YAE1: variants seen among roughly 807,000 people sequenced by gnomAD.
YAE1 encodes YAE1 maturation factor of ABCE1.
A neutral mutation model predicts 23.0 loss-of-function variants in YAE1; 22 were observed. The observed-to-expected ratio is 0.96, with a 90% CI of 0.68 to 1.37. YAE1 has a LOEUF of 1.37. Among genes scored for constraint, YAE1 ranks in the 40% most tolerant of loss-of-function variants. The pLI, the probability that YAE1 is intolerant of heterozygous loss-of-function variation, is 0.00. For missense variants in YAE1, 260 were observed against 262.1 expected (o/e 0.99, Z 0.06); for synonymous variants, 101 against 97.0 (o/e 1.04, Z -0.24).
intron 2 of YAE1, among the ~76,000 whole-genome samples, chr7:39,594,510 A>T (rs1172089759): frequency 6.7e-6 from 1 of 148,656 alleles, no homozygotes; most frequent in African/African-American, 2.5e-5. Flanking sequence ...CAATGCCTTC[A>T]TTTTTTTTTT....
At position 39,609,946 on chromosome 7, in the gene YAE1, C is replaced by A; in HGVS notation, c.581C>A (p.Ser194Ter). ...CCTTCCAACTCCGAAACACATTTTTCAACATATAATAGAATCATTATCAGA... is the reference window on the plus strand; with the variant it reads ...CCTTCCAACTCCGAAACACATTTTTAAACATATAATAGAATCATTATCAGA... The change falls in exon 3 of 3, where the codon TCA (serine) becomes TAA (stop). Residue 194 changes from serine (S) to a stop codon, truncating the protein, a stop_gained. Transcript: ENST00000432096. LOFTEE classifies it high-confidence loss of function. 1 of 1,523,198 alleles carries A rather than the reference C, an allele frequency of 6.6e-7. No homozygotes were observed. Among genetic ancestry groups the A allele is most frequent in the Non-Finnish European group, 8.8e-7 (1 of 1,140,844 alleles). The allele number at this position is 1,523,198 out of a possible 1,614,324, so 94.4% of individuals were successfully genotyped here.
chr7:39,598,062 G>A (rs1011846250), intron 2 of YAE1, among the ~76,000 whole-genome samples: 1 of 151,796 alleles, frequency 6.6e-6, no homozygotes, highest in Non-Finnish European at 1.5e-5. Flanking sequence ...CTCCTTCCTT[G>A]GTGTCCTAAA....
chr7:39,588,614 CG>C (rs1310739958), intron 2 of YAE1, among the ~76,000 whole-genome samples: 8 of 152,024 alleles, frequency 5.3e-5, no homozygotes, highest in Middle Eastern at 3.4e-3. Context: ...ATGGAAGTTC[CG>C]TCTCAAAGGA....
chr7:39,601,112 A>T (rs949367223), intron 2 of YAE1, among the ~76,000 whole-genome samples: 3 of 152,202 alleles, frequency 2.0e-5, no homozygotes, highest in Non-Finnish European at 4.4e-5. Flanking sequence ...CATTATTCAA[A>T]CCAAACAAAA....
At chr7:39,581,351 G>T (rs185410906) in intron 2 of YAE1, among the ~76,000 whole-genome samples, 2 of 152,156 alleles carry the variant, frequency 1.3e-5, no homozygotes, top group Non-Finnish European at 2.9e-5. Flanking sequence ...CAAATTGCTT[G>T]TAATAATGAA....
At chr7:39,601,278 C>T (rs1791051912) in intron 2 of YAE1, among the ~76,000 whole-genome samples, 1 of 152,138 alleles carries the variant, frequency 6.6e-6, no homozygotes, top group Non-Finnish European at 1.5e-5. Context: ...AGTAAGCAGA[C>T]TGAGAACAAC....
In YAE1 at chr7:39,609,504, G is replaced by A. The variant is rs1029772340; in HGVS notation, c.252-113G>A. On this transcript the variant is annotated intron_variant, in intron 2 of 2. Coordinates refer to the YAE1 transcript ENST00000432096. ...GGGGTTGTAACAGAGACAAATCTTC[G>A]TTATAAGTTTATCAGAAAATGATGA... The A allele has an allele frequency of 1.1e-5, 16 of 1,392,386 alleles. No individual in the cohort carries two copies. In the East Asian group the frequency reaches 2.5e-4, roughly 22 times the overall value. 86.3% of individuals were successfully genotyped at this position (1,392,386 alleles called of 1,614,324 possible). A position where few individuals can be genotyped will look rare whatever the true frequency, so the allele number is the denominator to read the frequency against.
intron 2 of YAE1, among the ~76,000 whole-genome samples, chr7:39,601,737 T>A (rs1221367549): frequency 7.4e-6 from 1 of 136,024 alleles, no homozygotes. Context: ...CCAGCCTGGA[T>A]GACAGAGCCA....
At chr7:39,573,010 T>A, downstream of YAE1, 1 of 621,754 alleles carries the variant, frequency 1.6e-6, no homozygotes, top group Non-Finnish European at 2.1e-6. Flanking sequence ...GAACAAGAAT[T>A]AAACATATTT....
At chr7:39,572,036 A>G (rs1790575417) in intron 2 of YAE1, among the ~76,000 whole-genome samples, 1 of 152,198 alleles carries the variant, frequency 6.6e-6, no homozygotes, top group Admixed American at 6.5e-5. Context: ...GAAGCTGTTT[A>G]ATGTCCTTAA....
downstream of YAE1, chr7:39,610,371 C>A (rs1033421483): frequency 2.2e-6 from 1 of 464,434 alleles, no homozygotes; most frequent in Non-Finnish European, 4.3e-6. Flanking sequence ...CATTTCAGCT[C>A]CAACTTTGCA....
chr7:39,585,940 A>C (rs1790807967), intron 2 of YAE1, among the ~76,000 whole-genome samples: 2 of 151,956 alleles, frequency 1.3e-5, no homozygotes, highest in South Asian at 4.2e-4. Context: ...TCATCTCTAC[A>C]AAAAAATACA....
At chr7:39,571,976 G>A (rs1790574888) in intron 2 of YAE1, among the ~76,000 whole-genome samples, 1 of 152,160 alleles carries the variant, frequency 6.6e-6, no homozygotes, top group Admixed American at 6.5e-5. Flanking sequence ...AGGGGTCAGA[G>A]CTCTTCAGGT....
downstream of YAE1, among the ~76,000 whole-genome samples, chr7:39,576,131 C>G (rs1424676806): frequency 6.6e-6 from 1 of 152,150 alleles, no homozygotes; most frequent in Non-Finnish European, 1.5e-5. Flanking sequence ...CTTCCTCTGC[C>G]CTTCCTGTGC....
At chr7:39,603,231 A>C (rs906695515) in intron 2 of YAE1, among the ~76,000 whole-genome samples, 1 of 151,664 alleles carries the variant, frequency 6.6e-6, no homozygotes, top group Admixed American at 6.6e-5. Context: ...CTCCACCTGC[A>C]GGGTTCACGC....
rs775253409 is a variant in YAE1 at position 39,572,508 on chromosome 7, T to C, written c.483T>C (p.Cys161=). 4.3e-6 allele frequency: 7 copies of C among 1,614,100 alleles called. No homozygotes were observed. Among genetic ancestry groups the C allele is most frequent in the Non-Finnish European group, 5.9e-6 (7 of 1,179,976 alleles). ...ATGAAGCTAAAGATGAAAGACTCTG[T>C]GAAAATAATGCTGAGTTTAACAAAA... is the stretch of plus-strand genomic sequence containing the variant. ...KIDEAKDERL[C]ENNAEFNKNC... is the part of the protein sequence containing the mutation. The change falls in exon 3 of 3, where the codon TGT becomes TGC. Residue 161 remains cysteine, a synonymous_variant. Coordinates refer to ENST00000223273, the MANE Select transcript of YAE1 (RefSeq NM_020192.5).
chr7:39,597,645 T>G (rs758483292), intron 2 of YAE1, among the ~76,000 whole-genome samples: 1 of 152,170 alleles, frequency 6.6e-6, no homozygotes, highest in Non-Finnish European at 1.5e-5. Flanking sequence ...GTAAAACCAG[T>G]GTTAGCAGCA....
At chr7:39,573,653 CT>C, downstream of YAE1, among the ~76,000 whole-genome samples, 1 of 152,120 alleles carries the variant, frequency 6.6e-6, no homozygotes, top group Non-Finnish European at 1.5e-5. Context: ...TCTTTCACCC[CT>C]ATTTATACCT....
At chr7:39,582,996 T>C (rs1326300104) in intron 2 of YAE1, among the ~76,000 whole-genome samples, 1 of 152,196 alleles carries the variant, frequency 6.6e-6, no homozygotes, top group Non-Finnish European at 1.5e-5. Context: ...CTTCTAGGAA[T>C]TTAGTTAAAG....
Sources: gnomAD v4.1 joint callset for allele counts (sites outside exome capture counted in the v4.1 genomes callset) on GRCh38, gnomAD v4.1.1 for gene constraint, MANE v1.5 for transcripts, NCBI Gene and HGNC (gene_info 2026-07-23, HGNC 2026-07-21) for gene names.